The following C4orf36 variants were observed in gnomAD, a reference collection of about 807,000 sequenced individuals.
C4orf36 encodes the protein chromosome 4 open reading frame 36.
Under a neutral mutation model 12.2 loss-of-function variants are expected in C4orf36, and 11 were observed. The observed-to-expected ratio is 0.90, with a 90% confidence interval of 0.57 to 1.49. The LOEUF (loss-of-function observed/expected upper bound fraction) is 1.49, where lower values mean the gene tolerates loss of function less well. C4orf36 is among the 40% of genes most tolerant of loss of function. The pLI, the probability that C4orf36 is intolerant of heterozygous loss-of-function variation, is 0.00. For missense variants in C4orf36, 137 were observed against 133.9 expected, an observed-to-expected ratio of 1.02 and a Z score of -0.11; for synonymous variants, 54 against 51.3, an observed-to-expected ratio of 1.05 and a Z score of -0.22.
chr4:86,902,418 C>CAAAA, the C4orf36 span, among the ~76,000 whole-genome samples: 315 of 58,720 alleles, frequency 5.4e-3, no homozygotes, highest in African/African-American at 5.8e-3. Flanking sequence ...ATGAGACTCT[C>CAAAA]AAAAAAAAAA....
intron 4 of C4orf36, among the ~76,000 whole-genome samples, chr4:86,878,356 AC>A (rs1237162592): frequency 6.6e-6 from 1 of 152,108 alleles, no homozygotes; most frequent in African/African-American, 2.4e-5. Flanking sequence ...GTTATCCATA[AC>A]CCCCAAATCC....
In C4orf36 at chr4:86,891,490, C is replaced by CT; in HGVS notation, c.30dup (p.Val11SerfsTer11). On this transcript the variant is annotated frameshift_variant, in exon 2 of 5. Coordinates refer to ENST00000295898, the MANE Select transcript of C4orf36 (RefSeq NM_144645.4). LOFTEE classifies it high-confidence loss of function. Reference sequence around the variant, plus strand: ...CAACTGCCCCGCAAAATGGTTTTCACTGTGTTCTTTCTTGGCACTCCATAC... The same window carrying CT: ...CAACTGCCCCGCAAAATGGTTTTCACTTGTGTTCTTTCTTGGCACTCCATAC... 3.1e-6 allele frequency: 5 copies of CT among 1,613,876 alleles called. No individual in the cohort carries two copies. Among genetic ancestry groups the CT allele is most frequent in the Non-Finnish European group, 3.4e-6 (4 of 1,179,978 alleles).
chr4:86,893,004 G>C (rs1747487533), upstream of C4orf36, among the ~76,000 whole-genome samples: 1 of 152,150 alleles, frequency 6.6e-6, no homozygotes, highest in Admixed American at 6.6e-5. Context: ...TTAAGATTTC[G>C]CATGTCACTG....
At chr4:86,931,600 C>T in the C4orf36 span, among the ~76,000 whole-genome samples, 281 of 152,246 alleles carry the variant, frequency 1.8e-3, 1 homozygote, top group Non-Finnish European at 3.3e-3. Context: ...GAACTCACTA[C>T]GTTGCCTAGG....
At chr4:86,913,414 G>A in the C4orf36 span, 78 of 742,540 alleles carry the variant, frequency 1.1e-4, 1 homozygote, top group East Asian at 1.4e-3. Context: ...CTCCAACACC[G>A]TGTTGCGGTC....
the C4orf36 span, among the ~76,000 whole-genome samples, chr4:86,921,148 A>G: frequency 6.6e-6 from 1 of 151,710 alleles, no homozygotes; most frequent in African/African-American, 2.4e-5. Context: ...CTAGGCAACA[A>G]GAGTGAAACT....
chr4:86,883,087 GT>G (rs1747087466), intron 4 of C4orf36, among the ~76,000 whole-genome samples: 1 of 152,196 alleles, frequency 6.6e-6, no homozygotes, highest in Non-Finnish European at 1.5e-5. Flanking sequence ...AAAGTGCCAG[GT>G]TGTGAGTGAG....
chr4:86,908,915 C>T, the C4orf36 span, among the ~76,000 whole-genome samples: 2 of 152,018 alleles, frequency 1.3e-5, no homozygotes, highest in African/African-American at 4.8e-5. Flanking sequence ...GGAAACTCAG[C>T]GGGATCCCTC....
chr4:86,934,932 G>A, the C4orf36 span: 85 of 152,166 alleles, frequency 5.6e-4, no homozygotes, highest in African/African-American at 1.9e-3. Context: ...CGCAGCTCGG[G>A]AGGTGGGGGT....
chr4:86,886,701 G>A (rs1193473375), intron 4 of C4orf36: 1 of 152,208 alleles, frequency 6.6e-6, no homozygotes, highest in Non-Finnish European at 1.5e-5. Flanking sequence ...GGAAGACAGT[G>A]TGGCAATTCC....
chr4:86,877,276 A>T (rs1746948341), intron 4 of C4orf36, among the ~76,000 whole-genome samples: 1 of 152,254 alleles, frequency 6.6e-6, no homozygotes, highest in Admixed American at 6.5e-5. Context: ...CATTTTAACC[A>T]GTTAACAATC....
At chr4:86,929,484 G>A in the C4orf36 span, among the ~76,000 whole-genome samples, 1 of 152,152 alleles carries the variant, frequency 6.6e-6, no homozygotes, top group Non-Finnish European at 1.5e-5. Context: ...AGAAGCTGCT[G>A]CAGCTTTGGA....
the C4orf36 span, among the ~76,000 whole-genome samples, chr4:86,912,123 C>T: frequency 6.6e-6 from 1 of 152,204 alleles, no homozygotes; most frequent in East Asian, 1.9e-4. Flanking sequence ...GATCCACCCA[C>T]CTCAGCCTCC....
chr4:86,932,060 A>T, the C4orf36 span, among the ~76,000 whole-genome samples: 68 of 16,334 alleles, frequency 4.2e-3, no homozygotes, highest in Non-Finnish European at 0.016. Context: ...AAAAAAAAAG[A>T]TTTATTCCGG....
chr4:86,914,759 G>T, the C4orf36 span: 1 of 441,996 alleles, frequency 2.3e-6, no homozygotes, highest in South Asian at 1.8e-5. Context: ...ATCTGGGTAT[G>T]ATCCCTGTTC....
chr4:86,916,052 G>T, the C4orf36 span, among the ~76,000 whole-genome samples: 2 of 152,178 alleles, frequency 1.3e-5, no homozygotes, highest in East Asian at 1.9e-4. Context: ...TTGCTTTAAG[G>T]CACTTGGTTT....
the C4orf36 span, among the ~76,000 whole-genome samples, chr4:86,919,315 C>CTTTTTTTTTTTTTTTTTTTTTTT: frequency 1.2e-5 from 1 of 81,354 alleles, no homozygotes; most frequent in Non-Finnish European, 2.1e-5. Context: ...TTTTTTCCCC[C>CTTTTTTTTTTTTTTTTTTTTTTT]TTTTTTTTTT....
chr4:86,903,593 A>T, the C4orf36 span, among the ~76,000 whole-genome samples: 10 of 152,178 alleles, frequency 6.6e-5, no homozygotes, highest in Admixed American at 6.5e-4. Context: ...CGCAGGCCCA[A>T]AGAGAAAGCA....
rs1747262392 is a variant in C4orf36, at chr4:86,888,259, T to C, written c.82A>G (p.Ile28Val). The change falls in exon 3 of 5, where the codon ATT becomes GTT. Residue 28 changes from isoleucine (I) to valine (V), a missense_variant. Ile to Val is a conservative substitution (Grantham distance 29). Coordinates refer to ENST00000295898, the MANE Select transcript of C4orf36 (RefSeq NM_144645.4). ...GACCAGGTCTTTGCAAGCAATGCAA[T>C]ATCCCAAGGTTCCTGTCTGGGGCAA... Reference protein sequence around the residue: ...SCYNVQEPWDIALLAKTWSTN... With the variant: ...SCYNVQEPWDVALLAKTWSTN... 1 of 1,613,676 alleles carries C rather than the reference T, an allele frequency of 6.2e-7. No individual in the cohort carries two copies.
Sources: allele counts gnomAD v4.1 joint callset (sites outside exome capture counted in the v4.1 genomes callset), GRCh38; gene constraint gnomAD v4.1.1; transcripts MANE v1.5; gene names NCBI Gene and HGNC (gene_info 2026-07-23, HGNC 2026-07-21).